Variants in CDK6 observed in about 807,000 individuals in gnomAD.
The protein encoded by CDK6 is cyclin-dependent kinase 6.
A neutral mutation model predicts 37.1 loss-of-function variants in CDK6; 6 were observed. That is an observed-to-expected ratio of 0.16 (90% confidence interval 0.09 to 0.32). The LOEUF is 0.32. Among genes scored for constraint, CDK6 ranks in the 10% least tolerant of loss-of-function variants. CDK6 has a pLI of 1.00. For missense variants in CDK6, 224 were observed against 418.9 expected, an observed-to-expected ratio of 0.53 and a Z score of 4.06; for synonymous variants, 160 against 161.3, an observed-to-expected ratio of 0.99 and a Z score of 0.06.
rs558890222 is a variant in CDK6 at position 92,725,941 on chromosome 7, C to A, written c.370-148G>T. ...ATTGGCTGAATGAGTGAATTGTCTC[C>A]CTTCCTGCCTTTCCACTCCCACACT... On this transcript the variant is annotated intron_variant, in intron 3 of 7. Coordinates refer to ENST00000424848, the MANE Select transcript of CDK6 (RefSeq NM_001145306.2). The A allele has an allele frequency of 4.7e-6, 3 of 631,766 alleles. No individual in the cohort carries two copies. The East Asian group carries it at 8.5e-5, about 18-fold the overall frequency. The allele number at this position is 631,766 out of a possible 1,614,324, so 39.1% of individuals were successfully genotyped here.
chr7:92,740,862 T>C (rs1798907414), intron 3 of CDK6, among the ~76,000 whole-genome samples: 1 of 152,042 alleles, frequency 6.6e-6, no homozygotes, highest in Admixed American at 6.6e-5. Context: ...CCTCCTCACC[T>C]CGTGCCCAGG....
rs538050960 is a variant in CDK6, at chr7:92,654,933, T to C, written c.647+16493A>G. ...CAATCATGGCTCACTGCAGCCTCAA[T>C]CTCCCAGGCTCAAGCTATTCTCCTA... is the stretch of plus-strand genomic sequence containing the variant. On this transcript the variant is annotated intron_variant, in intron 5 of 7. Transcript: ENST00000424848. 2.0e-5 allele frequency among the ~76,000 whole-genome samples: 3 copies of C among 151,632 alleles called. 1 individual carries two copies. Among genetic ancestry groups the C allele is most frequent in the African/African-American group, 7.3e-5 (3 of 41,334 alleles).
chr7:92,738,827 C>A (rs1350653671), intron 3 of CDK6, among the ~76,000 whole-genome samples: 1 of 152,154 alleles, frequency 6.6e-6, no homozygotes, highest in African/African-American at 2.4e-5. Context: ...ATGTCTTGAA[C>A]TAGTTGTTTT....
intron 2 of CDK6, among the ~76,000 whole-genome samples, chr7:92,779,982 T>C (rs923428591): frequency 6.6e-6 from 1 of 152,192 alleles, no homozygotes; most frequent in Non-Finnish European, 1.5e-5. Flanking sequence ...TTATTTTTAT[T>C]CTTATTTTTC....
At position 92,833,524 on chromosome 7, in the gene CDK6, G is replaced by C. The variant is rs1801552455; in HGVS notation, c.-201C>G. ...GGAGAGACCTCCCCGCGGGGCTGGC[G>C]TAACCCTGGTGCCGCCGCCGCGAAA... On this transcript the variant is annotated 5_prime_UTR_variant, in exon 2 of 8. Coordinates refer to ENST00000424848, the MANE Select transcript of CDK6 (RefSeq NM_001145306.2). The surrounding 1 kb of genome is among the most constrained non-coding windows in gnomAD (Gnocchi z 6.1). The C allele has an allele frequency of 1.8e-6, 1 of 556,906 alleles. No individual in the cohort carries two copies. The highest frequency in any genetic ancestry group is 2.0e-5 in the African/African-American group (1 of 49,394). 34.5% of individuals were successfully genotyped at this position (556,906 alleles called of 1,614,324 possible). A position where few individuals can be genotyped will look rare whatever the true frequency, so the allele number is the denominator to read the frequency against.
chr7:92,736,367 T>C (rs2115608136), intron 3 of CDK6, among the ~76,000 whole-genome samples: 1 of 152,250 alleles, frequency 6.6e-6, no homozygotes, highest in African/African-American at 2.4e-5. Context: ...AGCACCTGAA[T>C]AGAGTGTCCC....
chr7:92,725,343 G>T (rs1798486251), intron 4 of CDK6: 1 of 984,752 alleles, frequency 1.0e-6, no homozygotes, highest in Admixed American at 6.1e-5. Flanking sequence ...AGTGGTTATG[G>T]CAGAAAGCAT....
chr7:92,693,650 A>G lies in CDK6; in HGVS notation c.538-22115T>C, dbSNP rs116782450. On this transcript the variant is annotated intron_variant, in intron 4 of 7. Transcript: ENST00000424848. ...AAAAGAATTCTTTTTCTTTTGTGCT[A>G]CTTGGATTGAAGGCTTTTACATTTA... 6.7e-3 allele frequency among the ~76,000 whole-genome samples: 1,022 copies of G among 152,240 alleles called. 12 individuals are homozygous for G. Among genetic ancestry groups the G allele is most frequent in the African/African-American group, 0.024 (979 of 41,528 alleles).
Position 92,833,331 on chromosome 7 carries a change from G to T in CDK6, c.-8C>A. 1.3e-6 allele frequency: 2 copies of T among 1,557,982 alleles called. No individual in the cohort carries two copies. The highest frequency in any genetic ancestry group is 8.7e-7 in the Non-Finnish European group (1 of 1,154,746). On this transcript the variant is annotated 5_prime_UTR_variant, in exon 2 of 8. Coordinates refer to ENST00000424848, the MANE Select transcript of CDK6 (RefSeq NM_001145306.2). This position sits in a 1 kb window ranked among gnomAD's most constrained non-coding sequence, Gnocchi z 6.1. The stretch of plus-strand genomic sequence containing the variant: ...CAGGCCGTCCTTCTCCATGCCGCCT[G>T]GACGCCGCCCGCCGCGGCGCCGCTG...
chr7:92,824,072 G>GT lies in CDK6; in HGVS notation c.233+9018dup, dbSNP rs112961243. ...TAAAAGTATTTTAGGATAAATGAATGTTTTTTTTTAATCATTAGGAACACC... is the reference window on the plus strand; with the variant it reads ...TAAAAGTATTTTAGGATAAATGAATGTTTTTTTTTTAATCATTAGGAACACC... On this transcript the variant is annotated intron_variant, in intron 2 of 7. Coordinates refer to ENST00000424848, the MANE Select transcript of CDK6 (RefSeq NM_001145306.2). Among the ~76,000 whole-genome samples, 34 of 146,014 alleles carry GT rather than the reference G, an allele frequency of 2.3e-4. 1 individual carries two copies. The highest frequency in any genetic ancestry group is 3.5e-3 in the Middle Eastern group (1 of 284).
At chr7:92,675,247 G>T (rs905068088) in intron 4 of CDK6, among the ~76,000 whole-genome samples, 1 of 152,166 alleles carries the variant, frequency 6.6e-6, no homozygotes, top group African/African-American at 2.4e-5. Flanking sequence ...TGTATAGACA[G>T]TCAAAATCAT....
chr7:92,744,113 G>A (rs1798998997), intron 3 of CDK6, among the ~76,000 whole-genome samples: 1 of 152,142 alleles, frequency 6.6e-6, no homozygotes, highest in Non-Finnish European at 1.5e-5. Flanking sequence ...CTCCCTGGCA[G>A]GCTAATCATT....
chr7:92,670,355 A>G (rs1029735876), intron 5 of CDK6, among the ~76,000 whole-genome samples: 10 of 152,200 alleles, frequency 6.6e-5, no homozygotes, highest in Admixed American at 5.2e-4. Context: ...AATTTGTTAC[A>G]TGCACAAAAC....
At chr7:92,669,563 C>T (rs984220618) in intron 5 of CDK6, among the ~76,000 whole-genome samples, 2 of 152,248 alleles carry the variant, frequency 1.3e-5, no homozygotes, top group East Asian at 1.9e-4. Flanking sequence ...TTGGCTGTAC[C>T]GAGTTATTCC....
In CDK6 at chr7:92,804,175, G is replaced by T. The variant is rs544313942; in HGVS notation, c.233+28916C>A. Among the ~76,000 whole-genome samples the T allele has an allele frequency of 2.6e-5, 4 of 152,290 alleles. No homozygotes were observed. The South Asian group carries it at 8.3e-4, about 32-fold the overall frequency. On this transcript the variant is annotated intron_variant, in intron 2 of 7. Transcript: ENST00000424848. ...GAGGGAGCTCTGATTTGAGGTCTTG[G>T]TTGCCTGGAATTACCTAGACCCTTT...
Position 92,613,423 on chromosome 7 carries a change from C to T in CDK6, c.*1717G>A, listed in dbSNP as rs1194115462. On this transcript the variant is annotated 3_prime_UTR_variant, in exon 8 of 8. Coordinates refer to ENST00000424848, the MANE Select transcript of CDK6 (RefSeq NM_001145306.2). ...GAGTCAGAAAGCACAGGTGGCTAAACTTTCCAAAAGATACTTTCTGTGTCC... is the reference window on the plus strand; with the variant it reads ...GAGTCAGAAAGCACAGGTGGCTAAATTTTCCAAAAGATACTTTCTGTGTCC... 1.7e-5 allele frequency: 4 copies of T among 233,606 alleles called. No homozygotes were observed. The highest frequency in any genetic ancestry group is 3.4e-5 in the Non-Finnish European group (4 of 118,058). The allele number at this position is 233,606 out of a possible 1,614,324, so 14.5% of individuals were successfully genotyped here. A position where few individuals can be genotyped will look rare whatever the true frequency, so the allele number is the denominator to read the frequency against.
In CDK6 at chr7:92,610,272, T is replaced by C. The variant is rs1795533894; in HGVS notation, c.*4868A>G. 4.3e-6 allele frequency: 1 copy of C among 232,456 alleles called. No homozygotes were observed. Among genetic ancestry groups the C allele is most frequent in the Non-Finnish European group, 8.5e-6 (1 of 117,584 alleles). The allele number at this position is 232,456 out of a possible 1,614,324, so 14.4% of individuals were successfully genotyped here. On this transcript the variant is annotated 3_prime_UTR_variant, in exon 8 of 8. Coordinates refer to ENST00000424848, the MANE Select transcript of CDK6 (RefSeq NM_001145306.2). ...GTATTTATTTTCAGGTGGCTCTTGT[T>C]TTCTTCCTAAGGCTAGACAAGGTAA...
At position 92,826,739 on chromosome 7, in the gene CDK6, T is replaced by C. The variant is rs376628803; in HGVS notation, c.233+6352A>G. Among the ~76,000 whole-genome samples, 39 of 152,266 alleles carry C rather than the reference T, an allele frequency of 2.6e-4. No homozygotes were observed. In the South Asian group the frequency reaches 7.9e-3, roughly 31 times the overall value. On this transcript the variant is annotated intron_variant, in intron 2 of 7. Transcript: ENST00000424848. ...AAATAGACTTCACATGTGTATGCCTTACAGTTAATACCCACAGATCTCCCA... is the reference window on the plus strand; with the variant it reads ...AAATAGACTTCACATGTGTATGCCTCACAGTTAATACCCACAGATCTCCCA...
At chr7:92,715,161 A>G (rs1467587213) in intron 4 of CDK6, among the ~76,000 whole-genome samples, 1 of 152,250 alleles carries the variant, frequency 6.6e-6, no homozygotes, top group African/African-American at 2.4e-5. Context: ...TAAAAAAGTA[A>G]TTATTAAAAA....
Sources: gnomAD v4.1 joint callset for allele counts (sites outside exome capture counted in the v4.1 genomes callset) on GRCh38, gnomAD v4.1.1 for gene constraint, Gnocchi (gnomAD v3.1) non-coding constraint, MANE v1.5 for transcripts, NCBI Gene and HGNC (gene_info 2026-07-23, HGNC 2026-07-21) for gene names.